MGAT4C: variants seen among roughly 807,000 people sequenced by gnomAD.
MGAT4C encodes the protein MGAT4 family member C.
A neutral mutation model predicts 40.1 loss-of-function variants in MGAT4C; 19 were observed. The ratio of observed to expected loss-of-function variants is 0.47; its 90% CI spans 0.33 to 0.70. The LOEUF is 0.70. Among genes scored for constraint, MGAT4C ranks in the 30% least tolerant of loss-of-function variants. The pLI is 0.02. For missense variants in MGAT4C, 491 were observed against 563.2 expected (o/e 0.87, Z 1.30); for synonymous variants, 181 against 187.1 (o/e 0.97, Z 0.27).
intron 2 of MGAT4C, among the ~76,000 whole-genome samples, chr12:86,554,959 T>C (rs1159666221): frequency 2.0e-5 from 3 of 152,140 alleles, no homozygotes; most frequent in South Asian, 2.1e-4. Flanking sequence ...CCTTAGCTTA[T>C]GGCCCCCTCC....
intron 2 of MGAT4C, among the ~76,000 whole-genome samples, chr12:86,603,610 ATATATAT>A (rs1423461453): frequency 3.2e-5 from 4 of 124,128 alleles, no homozygotes; most frequent in African/African-American, 6.2e-5. Context: ...ACTATAGATA[ATATATAT>A]TATATAGTCT....
chr12:86,716,337 A>T (rs2136638610), intron 2 of MGAT4C, among the ~76,000 whole-genome samples: 1 of 152,256 alleles, frequency 6.6e-6, no homozygotes, highest in East Asian at 1.9e-4. Context: ...TTTATATATT[A>T]ACTACTGCCT....
chr12:86,665,731 C>T (rs1964089674), intron 2 of MGAT4C, among the ~76,000 whole-genome samples: 1 of 152,096 alleles, frequency 6.6e-6, no homozygotes, highest in African/African-American at 2.4e-5. Flanking sequence ...CAATTTAATG[C>T]AATTTCGATT....
At chr12:86,147,214 A>G (rs1883638540) in intron 1 of MGAT4C, among the ~76,000 whole-genome samples, 1 of 152,188 alleles carries the variant, frequency 6.6e-6, no homozygotes, top group African/African-American at 2.4e-5. Context: ...GTGAGGGTAT[A>G]GAGAAGAAAT....
intron 2 of MGAT4C, among the ~76,000 whole-genome samples, chr12:86,592,215 A>G (rs1961356518): frequency 6.6e-6 from 1 of 152,090 alleles, no homozygotes; most frequent in East Asian, 1.9e-4. Flanking sequence ...TGTAGAAAAT[A>G]CAACATAGAA....
chr12:86,722,771 G>C (rs1457891887), intron 2 of MGAT4C, among the ~76,000 whole-genome samples: 3 of 152,032 alleles, frequency 2.0e-5, no homozygotes, highest in Non-Finnish European at 4.4e-5. Context: ...TACCTAATTT[G>C]GTTTATTCAC....
intron 2 of MGAT4C, among the ~76,000 whole-genome samples, chr12:86,478,263 C>A (rs1957875675): frequency 6.6e-6 from 1 of 152,060 alleles, no homozygotes; most frequent in Non-Finnish European, 1.5e-5. Context: ...ATGTTCATGA[C>A]AATAGGGTGA....
chr12:86,811,297 C>T (rs1008371909), intron 1 of MGAT4C, among the ~76,000 whole-genome samples: 1 of 148,926 alleles, frequency 6.7e-6, no homozygotes, highest in Non-Finnish European at 1.5e-5. Flanking sequence ...AGAACAGTTC[C>T]ATTTTTTTCT....
intron 3 of MGAT4C, among the ~76,000 whole-genome samples, chr12:86,375,808 A>G (rs1955812744): frequency 6.6e-6 from 1 of 152,116 alleles, no homozygotes; most frequent in Non-Finnish European, 1.5e-5. Flanking sequence ...GAATATCAAA[A>G]TCTTTGGAAT....
Position 85,979,768 on chromosome 12 carries a change from C to A in MGAT4C, c.958G>T (p.Gly320Trp), listed in dbSNP as rs1387513486. 1 of 1,613,532 alleles carries A rather than the reference C, an allele frequency of 6.2e-7. No individual in the cohort carries two copies. The highest frequency in any genetic ancestry group is 8.5e-7 in the Non-Finnish European group (1 of 1,179,788). Residue 320 changes from glycine to tryptophan, a missense_variant, in exon 5 of 5, where the codon GGG becomes TGG. Coordinates refer to ENST00000611864, the MANE Select transcript of MGAT4C (RefSeq NM_001351288.2). Reference sequence around the variant, plus strand: ...TCATCCTTCAGCTTATTCTCCGTCCCTTTGTATGATGAATAATAGCCCATG... The same window carrying A: ...TCATCCTTCAGCTTATTCTCCGTCCATTTGTATGATGAATAATAGCCCATG... Reference protein sequence around the residue: ...QHMGYYSSYKGTENKLKDDDF... With the variant: ...QHMGYYSSYKWTENKLKDDDF...
intron 1 of MGAT4C, among the ~76,000 whole-genome samples, chr12:86,228,323 C>T (rs759931854): frequency 7.3e-4 from 111 of 151,916 alleles, no homozygotes; most frequent in Middle Eastern, 3.4e-3. Flanking sequence ...TAAAATTTTA[C>T]CTGAGTGCAC....
chr12:86,128,615 A>G (rs1449527298), intron 1 of MGAT4C, among the ~76,000 whole-genome samples: 1 of 152,204 alleles, frequency 6.6e-6, no homozygotes, highest in Non-Finnish European at 1.5e-5. Flanking sequence ...GACTATATAT[A>G]TCAAAATACG....
At chr12:86,460,100 A>T (rs937719796) in intron 2 of MGAT4C, among the ~76,000 whole-genome samples, 2 of 152,126 alleles carry the variant, frequency 1.3e-5, no homozygotes, top group Non-Finnish European at 2.9e-5. Context: ...ACCCACGCAG[A>T]CACTTAAAAG....
rs1198928059 is a variant in MGAT4C, at chr12:85,957,657, C to CAAAAAAAAAAAAAAAAGAA, written c.*21613_*21631dup. On this transcript the variant is annotated 3_prime_UTR_variant, in exon 5 of 5. Transcript: ENST00000611864. ...TTTACTGTAGAGTTGAATAAGAAAG[C>CAAAAAAAAAAAAAAAAGAA]AAAAAAAAAAAAAAAAGAAAAAAGA... 4 of 101,284 alleles carry CAAAAAAAAAAAAAAAAGAA rather than the reference C, an allele frequency of 3.9e-5. No individual in the cohort carries two copies. Among genetic ancestry groups the CAAAAAAAAAAAAAAAAGAA allele is most frequent in the South Asian group, 3.3e-4 (1 of 3,022 alleles). 6.3% of individuals were successfully genotyped at this position (101,284 alleles called of 1,614,324 possible).
chr12:86,596,723 A>G (rs542022520), intron 2 of MGAT4C, among the ~76,000 whole-genome samples: 90 of 152,314 alleles, frequency 5.9e-4, no homozygotes, highest in African/African-American at 2.0e-3. Flanking sequence ...TATATCTGAG[A>G]TAGATAGCCA....
At chr12:86,307,507 T>C (rs1023328588) in intron 4 of MGAT4C, among the ~76,000 whole-genome samples, 1 of 150,432 alleles carries the variant, frequency 6.6e-6, no homozygotes, top group Non-Finnish European at 1.5e-5. Flanking sequence ...AAGGGTCTAC[T>C]TAGATGCAAA....
intron 1 of MGAT4C, among the ~76,000 whole-genome samples, chr12:86,819,187 T>A (rs1199133846): frequency 6.6e-6 from 1 of 151,026 alleles, no homozygotes; most frequent in Non-Finnish European, 1.5e-5. Flanking sequence ...TCAATTATTA[T>A]ATCTCAGTTT....
At chr12:86,251,460 C>T (rs565657539) in intron 1 of MGAT4C, among the ~76,000 whole-genome samples, 9 of 151,956 alleles carry the variant, frequency 5.9e-5, no homozygotes, top group African/African-American at 1.9e-4. Context: ...AACAAGTGCA[C>T]GCAAACAAAA....
chr12:86,143,590 A>G (rs1883144595), intron 1 of MGAT4C, among the ~76,000 whole-genome samples: 1 of 152,146 alleles, frequency 6.6e-6, no homozygotes, highest in Non-Finnish European at 1.5e-5. Flanking sequence ...CACCTGAAAA[A>G]CAAGACTTCA....
Sources: allele counts gnomAD v4.1 joint callset (sites outside exome capture counted in the v4.1 genomes callset), GRCh38; gene constraint gnomAD v4.1.1; transcripts MANE v1.5; gene names NCBI Gene and HGNC (gene_info 2026-07-23, HGNC 2026-07-21).